Variants in ZNF831 observed in about 807,000 individuals in gnomAD.
The protein encoded by ZNF831 is zinc finger protein 831.
ZNF831 carries 59 observed loss-of-function variants against 95.8 expected under a neutral mutation model. The ratio of observed to expected loss-of-function variants is 0.62; its 90% CI spans 0.50 to 0.77. ZNF831 has a LOEUF of 0.77. Among genes scored for constraint, ZNF831 ranks in the 30% least tolerant of loss-of-function variants. ZNF831 has a pLI of 0.00. For synonymous variants in ZNF831, 961 were observed against 925.5 expected (o/e 1.04, Z -0.70); for missense variants, 2,205 against 2,164.0 (o/e 1.02, Z -0.38).
At chr20:59,200,088 G>A (rs1352476011) in intron 3 of ZNF831, among the ~76,000 whole-genome samples, 4 of 152,140 alleles carry the variant, frequency 2.6e-5, no homozygotes, top group African/African-American at 9.7e-5. Context: ...CTACTCATCT[G>A]TCTTTTGAAA....
At chr20:59,151,843 A>T (rs1980261261) in intron 2 of ZNF831, among the ~76,000 whole-genome samples, 1 of 152,192 alleles carries the variant, frequency 6.6e-6, no homozygotes, top group South Asian at 2.1e-4. Flanking sequence ...GGAGACCCAT[A>T]GGAGGTGGCT....
intron 4 of ZNF831, among the ~76,000 whole-genome samples, chr20:59,230,627 G>A (rs1026728734): frequency 2.0e-5 from 3 of 152,222 alleles, no homozygotes; most frequent in Non-Finnish European, 4.4e-5. Context: ...GATTTGGCCT[G>A]TAGGCTATAG....
At chr20:59,138,175 T>A (rs541111530) in intron 1 of ZNF831, among the ~76,000 whole-genome samples, 2 of 152,330 alleles carry the variant, frequency 1.3e-5, no homozygotes, top group East Asian at 3.9e-4. Flanking sequence ...CATTGCAATG[T>A]TTGTTCAACA....
At chr20:59,201,423 TG>T (rs2146622835) in intron 3 of ZNF831, among the ~76,000 whole-genome samples, 1 of 152,328 alleles carries the variant, frequency 6.6e-6, no homozygotes, top group East Asian at 1.9e-4. Context: ...TTTCAATCTA[TG>T]GCTTATCTTT....
intron 4 of ZNF831, among the ~76,000 whole-genome samples, chr20:59,233,928 T>C (rs754897255): frequency 3.9e-5 from 6 of 152,216 alleles, no homozygotes; most frequent in Non-Finnish European, 7.3e-5. Flanking sequence ...CATCCCCACC[T>C]ACTCGAAAGG....
chr20:59,251,572 T>G (rs1348657814), intron 4 of ZNF831, among the ~76,000 whole-genome samples: 1 of 151,944 alleles, frequency 6.6e-6, no homozygotes, highest in Non-Finnish European at 1.5e-5. Context: ...AAAAAAGAAG[T>G]TGTAGAGGTT....
intron 1 of ZNF831, among the ~76,000 whole-genome samples, chr20:59,175,107 G>GT (rs1033216570): frequency 6.6e-6 from 1 of 151,794 alleles, no homozygotes; most frequent in African/African-American, 2.4e-5. Context: ...CATTAGAATT[G>GT]TTTTTTCTGT....
chr20:59,219,434 C>A (rs989433172), intron 4 of ZNF831, among the ~76,000 whole-genome samples: 1 of 152,180 alleles, frequency 6.6e-6, no homozygotes, highest in Non-Finnish European at 1.5e-5. Flanking sequence ...GGAGCCGGCA[C>A]AGACTGGTAA....
At chr20:59,140,583 C>A (rs1052271758) in intron 1 of ZNF831, among the ~76,000 whole-genome samples, 7 of 152,138 alleles carry the variant, frequency 4.6e-5, no homozygotes, top group Non-Finnish European at 1.0e-4. Flanking sequence ...GTCCCAGGGA[C>A]CTTTCACCCA....
chr20:59,177,218 A>G (rs1400746807), intron 1 of ZNF831, among the ~76,000 whole-genome samples: 1 of 152,228 alleles, frequency 6.6e-6, no homozygotes, highest in Non-Finnish European at 1.5e-5. Context: ...TTAATTAAGC[A>G]TGGCATCCCT....
At chr20:59,183,431 G>T (rs1382114752) in intron 1 of ZNF831, among the ~76,000 whole-genome samples, 1 of 152,224 alleles carries the variant, frequency 6.6e-6, no homozygotes, top group African/African-American at 2.4e-5. Flanking sequence ...TACCACTCAG[G>T]TGTGCGAGAG....
intron 1 of ZNF831, among the ~76,000 whole-genome samples, chr20:59,187,153 C>T (rs935343720): frequency 2.0e-5 from 3 of 152,092 alleles, no homozygotes; most frequent in African/African-American, 7.2e-5. Flanking sequence ...ATGGAAGATG[C>T]CATAGAATCC....
At chr20:59,221,143 G>A (rs1986043472) in intron 4 of ZNF831, among the ~76,000 whole-genome samples, 1 of 152,186 alleles carries the variant, frequency 6.6e-6, no homozygotes, top group Admixed American at 6.5e-5. Flanking sequence ...GGAGGTGGCA[G>A]GGGTGAGCAT....
intron 3 of ZNF831, among the ~76,000 whole-genome samples, chr20:59,201,103 G>A (rs565764440): frequency 6.6e-6 from 1 of 152,264 alleles, no homozygotes; most frequent in Admixed American, 6.5e-5. Flanking sequence ...TCCACTATCA[G>A]AGTATGAGAG....
intron 4 of ZNF831, among the ~76,000 whole-genome samples, chr20:59,210,115 G>C (rs1292834646): frequency 6.6e-6 from 1 of 152,180 alleles, no homozygotes; most frequent in African/African-American, 2.4e-5. Flanking sequence ...AAACAAAAAA[G>C]GCAGGGACAC....
chr20:59,218,093 G>A (rs1985816341), intron 4 of ZNF831, among the ~76,000 whole-genome samples: 1 of 152,244 alleles, frequency 6.6e-6, no homozygotes, highest in African/African-American at 2.4e-5. Flanking sequence ...GCCTGAGAGA[G>A]CAAATAGTAA....
At chr20:59,252,887 C>A in intron 4 of ZNF831, 91 bp from the exon 5 acceptor site, 12 of 1,382,310 alleles carry the variant, frequency 8.7e-6, no homozygotes, top group Non-Finnish European at 1.2e-5. Context: ...AGCTCAGAGG[C>A]GATCAAGAAG....
At chr20:59,164,561 C>A (rs1434895773) in intron 1 of ZNF831, among the ~76,000 whole-genome samples, 1 of 151,930 alleles carries the variant, frequency 6.6e-6, no homozygotes, top group Non-Finnish European at 1.5e-5. Context: ...ACATATTAGC[C>A]CAAGTATGTG....
chr20:59,127,207 T>A (rs1029321548), intron 1 of ZNF831, among the ~76,000 whole-genome samples: 2 of 152,204 alleles, frequency 1.3e-5, no homozygotes, highest in African/African-American at 4.8e-5. Context: ...AAGCATAGTC[T>A]GAATCTGGCC....
Sources: allele counts gnomAD v4.1 joint callset (sites outside exome capture counted in the v4.1 genomes callset), GRCh38; gene constraint gnomAD v4.1.1; transcripts MANE v1.5; gene names NCBI Gene and HGNC (gene_info 2026-07-23, HGNC 2026-07-21).